Variants in KRTAP2-3 observed in about 807,000 individuals in gnomAD.
KRTAP2-3 encodes keratin associated protein 2-3.
KRTAP2-3 carries 9 observed loss-of-function variants against 11.2 expected under a neutral mutation model. The observed-to-expected ratio is 0.80, with a 90% confidence interval of 0.48 to 1.40. The LOEUF (loss-of-function observed/expected upper bound fraction) is 1.40. Among genes scored for constraint, KRTAP2-3 ranks in the 40% most tolerant of loss-of-function variants. KRTAP2-3 has a pLI of 0.00. For missense variants in KRTAP2-3, 93 were observed against 176.8 expected (o/e 0.53, Z 2.69); for synonymous variants, 45 against 76.2 (o/e 0.59, Z 2.13).
Position 41,059,455 on chromosome 17 carries a change from G to T in KRTAP2-3, c.*209C>A. 2.2e-6 allele frequency: 2 copies of T among 890,022 alleles called. No homozygotes were observed. Among genetic ancestry groups the T allele is most frequent in the South Asian group, 2.7e-5 (1 of 36,694 alleles). The allele number at this position is 890,022 out of a possible 1,614,324, so 55.1% of individuals were successfully genotyped here. ...GCCAGGAATTCGAATGATGAAAGCTGGAATTTTTCTCAAGATTGTCAGAGA... is the reference window on the plus strand; with the variant it reads ...GCCAGGAATTCGAATGATGAAAGCTTGAATTTTTCTCAAGATTGTCAGAGA... On this transcript the variant is annotated 3_prime_UTR_variant, in exon 1 of 1. Coordinates refer to ENST00000391418, the MANE Select transcript of KRTAP2-3 (RefSeq NM_001165252.2).
Position 41,059,556 on chromosome 17 carries a change from T to G in KRTAP2-3, c.*108A>C. On this transcript the variant is annotated 3_prime_UTR_variant, in exon 1 of 1. Transcript: ENST00000391418. Reference sequence around the variant, plus strand: ...GTTGAATTCGTGCTTGAGGATCAGCTAGGCTGCAAAGGTGGAGTCTCTCAT... The same window carrying G: ...GTTGAATTCGTGCTTGAGGATCAGCGAGGCTGCAAAGGTGGAGTCTCTCAT... 1 of 1,460,534 alleles carries G rather than the reference T, an allele frequency of 6.8e-7. No individual in the cohort carries two copies. Among genetic ancestry groups the G allele is most frequent in the Non-Finnish European group, 9.1e-7 (1 of 1,095,608 alleles). 90.5% of individuals were successfully genotyped at this position (1,460,534 alleles called of 1,614,324 possible). A position where few individuals can be genotyped will look rare whatever the true frequency, so the allele number is the denominator to read the frequency against.
chr17:41,059,640 T>A lies in KRTAP2-3; in HGVS notation c.*24A>T, dbSNP rs2143807626. On this transcript the variant is annotated 3_prime_UTR_variant, in exon 1 of 1. Coordinates refer to ENST00000391418, the MANE Select transcript of KRTAP2-3 (RefSeq NM_001165252.2). Reference sequence around the variant, plus strand: ...CTTCTGTGCACCTGGGAATGTTTCGTGCGTTGAGAGGAGAGGTGGGGTCTC... The same window carrying A: ...CTTCTGTGCACCTGGGAATGTTTCGAGCGTTGAGAGGAGAGGTGGGGTCTC... The A allele has an allele frequency of 6.5e-7, 1 of 1,549,478 alleles. No homozygotes were observed. The highest frequency in any genetic ancestry group is 1.2e-5 in the South Asian group (1 of 83,864).
In KRTAP2-3 at chr17:41,059,498, A is replaced by C; in HGVS notation, c.*166T>G. ...GTCAGAGAGGGCCAGGATTAGCTGCATAATTATGTGGGGAAATAGATAGGA... is the reference window on the plus strand; with the variant it reads ...GTCAGAGAGGGCCAGGATTAGCTGCCTAATTATGTGGGGAAATAGATAGGA... On this transcript the variant is annotated 3_prime_UTR_variant, in exon 1 of 1. Transcript: ENST00000391418. 1 of 1,220,004 alleles carries C rather than the reference A, an allele frequency of 8.2e-7. No individual in the cohort carries two copies. The highest frequency in any genetic ancestry group is 1.7e-5 in the South Asian group (1 of 57,640). The allele number at this position is 1,220,004 out of a possible 1,614,324, so 75.6% of individuals were successfully genotyped here. A position where few individuals can be genotyped will look rare whatever the true frequency, so the allele number is the denominator to read the frequency against.
Position 41,059,316 on chromosome 17 carries a change from G to GA in KRTAP2-3, c.*347dup, listed in dbSNP as rs35967934. 5.8e-6 allele frequency: 2 copies of GA among 342,974 alleles called. No individual in the cohort carries two copies. Among genetic ancestry groups the GA allele is most frequent in the East Asian group, 4.8e-5 (1 of 20,762 alleles). The allele number at this position is 342,974 out of a possible 1,614,324, so 21.2% of individuals were successfully genotyped here. ...GCATACAAATAGTATTATCCTGGAAGAAAAAAATCTCATCTGAGAACCTTG... is the reference window on the plus strand; with the variant it reads ...GCATACAAATAGTATTATCCTGGAAGAAAAAAAATCTCATCTGAGAACCTTG... On this transcript the variant is annotated 3_prime_UTR_variant, in exon 1 of 1. Transcript: ENST00000391418.
In KRTAP2-3 at chr17:41,059,643, G is replaced by T. The variant is rs755908436; in HGVS notation, c.*21C>A. 7 of 1,550,474 alleles carry T rather than the reference G, an allele frequency of 4.5e-6. No homozygotes were observed. Among genetic ancestry groups the T allele is most frequent in the Non-Finnish European group, 6.1e-6 (7 of 1,146,140 alleles). ...CTGTGCACCTGGGAATGTTTCGTGCGTTGAGAGGAGAGGTGGGGTCTCAGC... is the reference window on the plus strand; with the variant it reads ...CTGTGCACCTGGGAATGTTTCGTGCTTTGAGAGGAGAGGTGGGGTCTCAGC... On this transcript the variant is annotated 3_prime_UTR_variant, in exon 1 of 1. Coordinates refer to ENST00000391418, the MANE Select transcript of KRTAP2-3 (RefSeq NM_001165252.2).
Position 41,059,475 on chromosome 17 carries a change from C to G in KRTAP2-3, c.*189G>C. 2.0e-6 allele frequency: 2 copies of G among 1,009,064 alleles called. No individual in the cohort carries two copies. The highest frequency in any genetic ancestry group is 2.7e-6 in the Non-Finnish European group (2 of 743,028). The allele number at this position is 1,009,064 out of a possible 1,614,324, so 62.5% of individuals were successfully genotyped here. A position where few individuals can be genotyped will look rare whatever the true frequency, so the allele number is the denominator to read the frequency against. On this transcript the variant is annotated 3_prime_UTR_variant, in exon 1 of 1. Transcript: ENST00000391418. Reference sequence around the variant, plus strand: ...AAGCTGGAATTTTTCTCAAGATTGTCAGAGAGGGCCAGGATTAGCTGCATA... The same window carrying G: ...AAGCTGGAATTTTTCTCAAGATTGTGAGAGAGGGCCAGGATTAGCTGCATA...
rs1336662488 is a variant in KRTAP2-3, at chr17:41,059,854, G to C, written c.197C>G (p.Pro66Arg). Reference sequence around the variant, plus strand: ...GCAGCAGCCTTCCTGCAGGGAGCAGGGGTCGCAGCACACCGGGCGGCGGCA... The same window carrying C: ...GCAGCAGCCTTCCTGCAGGGAGCAGCGGTCGCAGCACACCGGGCGGCGGCA... Reference protein sequence around the residue: ...EPCRRPVCCDPCSLQEGCCRP... With the variant: ...EPCRRPVCCDRCSLQEGCCRP... Residue 66 changes from proline (P) to arginine (R), a missense_variant, in exon 1 of 1, where the codon CCC (proline) becomes CGC (arginine). Physicochemically the swap from Pro to Arg is moderately radical, Grantham distance 103 (BLOSUM62 -2). Transcript: ENST00000391418. 84 of 1,524,282 alleles carry C rather than the reference G, an allele frequency of 5.5e-5. No homozygotes were observed. The highest frequency in any genetic ancestry group is 7.3e-5 in the Non-Finnish European group (83 of 1,138,198). The allele number at this position is 1,524,282 out of a possible 1,614,324, so 94.4% of individuals were successfully genotyped here.
rs1376349522 is a variant in KRTAP2-3 at position 41,059,781 on chromosome 17, C to T, written c.270G>A (p.Arg90=). ...AGCAGGTGGTGGCCCAGCAGCAGGGCCTGCACACCACAGCCGTGCACGACG... is the reference window on the plus strand; with the variant it reads ...AGCAGGTGGTGGCCCAGCAGCAGGGTCTGCACACCACAGCCGTGCACGACG... ...CPSSCTAVVC[R]PCCWATTCCQ... Residue 90 remains arginine, a synonymous_variant, in exon 1 of 1, where the codon AGG becomes AGA. Coordinates refer to ENST00000391418, the MANE Select transcript of KRTAP2-3 (RefSeq NM_001165252.2). 1.4e-5 allele frequency: 21 copies of T among 1,545,746 alleles called. 2 individuals are homozygous for T. Among genetic ancestry groups the T allele is most frequent in the East Asian group, 2.4e-5 (1 of 40,988 alleles).
At position 41,060,045 on chromosome 17, in the gene KRTAP2-3, G is replaced by C. The variant is rs560744781; in HGVS notation, c.6C>G (p.Thr2=). Residue 2 remains threonine, a synonymous_variant, in exon 1 of 1, where the codon ACC becomes ACG. Coordinates refer to ENST00000391418, the MANE Select transcript of KRTAP2-3 (RefSeq NM_001165252.2). M[T]GSCCGSTLSS... ...ACAAGGTGGAGCCGCAGCAGGAGCC[G>C]GTCATGGTGGTGTCTGAGGCTGGTG... The C allele has an allele frequency of 2.3e-3, 3,462 of 1,534,692 alleles. 38 individuals are homozygous for C. Among genetic ancestry groups the C allele is most frequent in the Non-Finnish European group, 2.8e-3 (3,204 of 1,144,096 alleles).
At position 41,059,796 on chromosome 17, in the gene KRTAP2-3, C is replaced by A. The variant is rs372355389; in HGVS notation, c.255G>T (p.Thr85=). The A allele has an allele frequency of 2.9e-5, 44 of 1,542,492 alleles. No homozygotes were observed. The highest frequency in any genetic ancestry group is 3.7e-5 in the Non-Finnish European group (42 of 1,145,502). Residue 85 remains threonine (T), a synonymous_variant, in exon 1 of 1, where the codon ACG becomes ACT. Coordinates refer to ENST00000391418, the MANE Select transcript of KRTAP2-3 (RefSeq NM_001165252.2). ...RPITCCPSSC[T]AVVCRPCCWA... ...AGCAGCAGGGCCTGCACACCACAGCCGTGCACGACGAGGGGCAGCAGGTGA... is the reference window on the plus strand; with the variant it reads ...AGCAGCAGGGCCTGCACACCACAGCAGTGCACGACGAGGGGCAGCAGGTGA...
At position 41,059,977 on chromosome 17, in the gene KRTAP2-3, C is replaced by G; in HGVS notation, c.74G>C (p.Cys25Ser). Residue 25 changes from cysteine to serine, a missense_variant, in exon 1 of 1, where the codon TGC becomes TCC. Transcript: ENST00000391418. ...GGGGCGGCAGCAGCAGGGGTCGCGG[C>G]AGCAGCAGGGCTGGCAGCAGCCTCC... ...YGGGCCQPCC[C>S]RDPCCCRPVT... is the part of the protein sequence containing the mutation. 4 of 1,529,564 alleles carry G rather than the reference C, an allele frequency of 2.6e-6. No homozygotes were observed. Among genetic ancestry groups the G allele is most frequent in the Non-Finnish European group, 3.5e-6 (4 of 1,143,652 alleles). 94.7% of individuals were successfully genotyped at this position (1,529,564 alleles called of 1,614,324 possible).
In KRTAP2-3 at chr17:41,059,356, A is replaced by G; in HGVS notation, c.*308T>C. The G allele has an allele frequency of 4.6e-6, 2 of 437,322 alleles. No individual in the cohort carries two copies. Among genetic ancestry groups the G allele is most frequent in the East Asian group, 3.7e-5 (1 of 27,324 alleles). The allele number at this position is 437,322 out of a possible 1,614,324, so 27.1% of individuals were successfully genotyped here. A position where few individuals can be genotyped will look rare whatever the true frequency, so the allele number is the denominator to read the frequency against. Reference sequence around the variant, plus strand: ...TGAGAACCTTGAAACAGTAGAAAAAAGGGTGATGAGTCAGTGGGACAGAGT... The same window carrying G: ...TGAGAACCTTGAAACAGTAGAAAAAGGGGTGATGAGTCAGTGGGACAGAGT... On this transcript the variant is annotated 3_prime_UTR_variant, in exon 1 of 1. Coordinates refer to ENST00000391418, the MANE Select transcript of KRTAP2-3 (RefSeq NM_001165252.2).
Position 41,059,567 on chromosome 17 carries a change from G to A in KRTAP2-3, c.*97C>T, listed in dbSNP as rs2013141380. 3 of 1,477,924 alleles carry A rather than the reference G, an allele frequency of 2.0e-6. No individual in the cohort carries two copies. The allele number at this position is 1,477,924 out of a possible 1,614,324, so 91.6% of individuals were successfully genotyped here. On this transcript the variant is annotated 3_prime_UTR_variant, in exon 1 of 1. Transcript: ENST00000391418. ...GCTTGAGGATCAGCTAGGCTGCAAA[G>A]GTGGAGTCTCTCATCTGATCCAGAA...
chr17:41,059,673 G>A lies in KRTAP2-3; in HGVS notation c.378C>T (p.Ser126=), dbSNP rs771089060. Residue 126 remains serine (S), a synonymous_variant, in exon 1 of 1, where the codon TCC becomes TCT. Transcript: ENST00000391418. ...GAGGAGAGGTGGGGTCTCAGCAGGA[G>A]GAGGTCCTGCAGGTGGTGCTGCAAG... is the stretch of plus-strand genomic sequence containing the variant. ...PTPCSTTCRT[S]SC 90 of 1,555,568 alleles carry A rather than the reference G, an allele frequency of 5.8e-5. 2 individuals are homozygous for A. The highest frequency in any genetic ancestry group is 7.7e-5 in the Non-Finnish European group (88 of 1,149,008).
In KRTAP2-3 at chr17:41,059,408, AT is replaced by A; in HGVS notation, c.*255del. 1 of 633,920 alleles carries A rather than the reference AT, an allele frequency of 1.6e-6. No homozygotes were observed. Among genetic ancestry groups the A allele is most frequent in the Non-Finnish European group, 2.5e-6 (1 of 392,220 alleles). The allele number at this position is 633,920 out of a possible 1,614,324, so 39.3% of individuals were successfully genotyped here. On this transcript the variant is annotated 3_prime_UTR_variant, in exon 1 of 1. Coordinates refer to ENST00000391418, the MANE Select transcript of KRTAP2-3 (RefSeq NM_001165252.2). ...CTATTCAAGAGGAGCTTTGATTTTT[AT>A]TTACTCGTTTTTTTTTTCAAGCCAG...
rs1421534309 is a variant in KRTAP2-3 at position 41,060,015 on chromosome 17, G to T, written c.36C>A (p.Ser12=). ...TGSCCGSTLS[S]LSYGGGCCQP... Reference sequence around the variant, plus strand: ...GGCAGCAGCCTCCCCCGTAGCTCAGGGAGGACAAGGTGGAGCCGCAGCAGG... The same window carrying T: ...GGCAGCAGCCTCCCCCGTAGCTCAGTGAGGACAAGGTGGAGCCGCAGCAGG... Residue 12 remains serine (S), a synonymous_variant, in exon 1 of 1, where the codon TCC becomes TCA. Transcript: ENST00000391418. 2 of 1,534,290 alleles carry T rather than the reference G, an allele frequency of 1.3e-6. No individual in the cohort carries two copies. The highest frequency in any genetic ancestry group is 4.9e-5 in the East Asian group (2 of 40,804).
Position 41,059,256 on chromosome 17 carries a change from T to C in KRTAP2-3, c.*408A>G, listed in dbSNP as rs1041126852. ...AAAGAAATGTTTGCTTCCCCAGAAA[T>C]ATAATTTTATTTTTTTTTACAGTGC... On this transcript the variant is annotated 3_prime_UTR_variant, in exon 1 of 1. Coordinates refer to ENST00000391418, the MANE Select transcript of KRTAP2-3 (RefSeq NM_001165252.2). The C allele has an allele frequency of 2.1e-5, 4 of 189,728 alleles. No homozygotes were observed. The highest frequency in any genetic ancestry group is 9.4e-5 in the African/African-American group (4 of 42,500). The allele number at this position is 189,728 out of a possible 1,614,324, so 11.8% of individuals were successfully genotyped here.
chr17:41,059,577 C>G lies in KRTAP2-3; in HGVS notation c.*87G>C, dbSNP rs545020703. 6.7e-7 allele frequency: 1 copy of G among 1,498,018 alleles called. No homozygotes were observed. The highest frequency in any genetic ancestry group is 9.0e-7 in the Non-Finnish European group (1 of 1,116,892). 92.8% of individuals were successfully genotyped at this position (1,498,018 alleles called of 1,614,324 possible). On this transcript the variant is annotated 3_prime_UTR_variant, in exon 1 of 1. Transcript: ENST00000391418. ...CAGCTAGGCTGCAAAGGTGGAGTCT[C>G]TCATCTGATCCAGAAGGGGTAGAAG...
At position 41,059,581 on chromosome 17, in the gene KRTAP2-3, T is replaced by C; in HGVS notation, c.*83A>G. 1 of 1,503,350 alleles carries C rather than the reference T, an allele frequency of 6.7e-7. No homozygotes were observed. The highest frequency in any genetic ancestry group is 8.9e-7 in the Non-Finnish European group (1 of 1,119,468). 93.1% of individuals were successfully genotyped at this position (1,503,350 alleles called of 1,614,324 possible). On this transcript the variant is annotated 3_prime_UTR_variant, in exon 1 of 1. Transcript: ENST00000391418. The stretch of plus-strand genomic sequence containing the variant: ...TAGGCTGCAAAGGTGGAGTCTCTCA[T>C]CTGATCCAGAAGGGGTAGAAGAGTC...
Sources: gnomAD v4.1 joint callset for allele counts on GRCh38, gnomAD v4.1.1 for gene constraint, MANE v1.5 for transcripts, NCBI Gene and HGNC (gene_info 2026-07-23, HGNC 2026-07-21) for gene names.